The following CAMTA1 variants were observed in gnomAD, a reference collection of about 807,000 sequenced individuals.
CAMTA1 encodes the protein calmodulin-binding transcription activator 1.
A neutral mutation model predicts 170.9 loss-of-function variants in CAMTA1; 27 were observed. That is an observed-to-expected ratio of 0.16 (90% CI 0.12 to 0.22). The LOEUF is 0.22. Ranked by LOEUF, CAMTA1 falls within the 10% of genes least tolerant of loss-of-function variation. The pLI, the probability that CAMTA1 is intolerant of heterozygous loss-of-function variation, is 1.00. For missense variants in CAMTA1, 1,619 were observed against 2,217.2 expected (o/e 0.73, Z 5.42); for synonymous variants, 833 against 891.5 (o/e 0.93, Z 1.17).
In CAMTA1 at chr1:7,013,657, G is replaced by T. The variant is rs77757609; in HGVS notation, c.235-77647G>T. 3.5e-3 allele frequency among the ~76,000 whole-genome samples: 537 copies of T among 152,318 alleles called. 9 individuals are homozygous for T. The highest frequency in any genetic ancestry group is 0.012 in the African/African-American group (500 of 41,566). The stretch of plus-strand genomic sequence containing the variant: ...GCTGCAGGTGGCAGAGGTGGAGTCA[G>T]GGATGGAGCCAGGAGTTGAACTTTG... On this transcript the variant is annotated intron_variant, in intron 3 of 22. Coordinates refer to ENST00000303635, the MANE Select transcript of CAMTA1 (RefSeq NM_015215.4).
chr1:7,221,728 C>T (rs773231000), intron 4 of CAMTA1, among the ~76,000 whole-genome samples: 3 of 152,048 alleles, frequency 2.0e-5, no homozygotes, highest in Non-Finnish European at 2.9e-5. Flanking sequence ...CCACATGAAC[C>T]GGCTAAGCTT....
intron 5 of CAMTA1, among the ~76,000 whole-genome samples, chr1:7,335,735 G>C (rs1443288622): frequency 1.3e-5 from 2 of 150,392 alleles, no homozygotes; most frequent in Admixed American, 1.3e-4. Context: ...CAGGAATTTT[G>C]CCAGTCAGTG....
At chr1:7,515,353 C>T (rs114596410) in intron 6 of CAMTA1, among the ~76,000 whole-genome samples, 5 of 152,328 alleles carry the variant, frequency 3.3e-5, no homozygotes, top group Non-Finnish European at 7.3e-5. Context: ...GCCTAAGTCT[C>T]GGACTGTGGC....
chr1:7,048,325 C>G (rs904280954), intron 3 of CAMTA1, among the ~76,000 whole-genome samples: 2 of 152,032 alleles, frequency 1.3e-5, no homozygotes, highest in Non-Finnish European at 2.9e-5. Context: ...AATAAACCAC[C>G]ACAATTGGAA....
chr1:6,876,425 G>A (rs1023730563), intron 3 of CAMTA1, among the ~76,000 whole-genome samples: 1 of 151,424 alleles, frequency 6.6e-6, no homozygotes, highest in Non-Finnish European at 1.5e-5. Context: ...GCAATGGTGT[G>A]ATCTTAACTC....
chr1:7,393,954 T>A (rs2089007196), intron 5 of CAMTA1, among the ~76,000 whole-genome samples: 1 of 152,194 alleles, frequency 6.6e-6, no homozygotes, highest in African/African-American at 2.4e-5. Flanking sequence ...GTGTTTGTCT[T>A]TCTGTGCCAG....
At chr1:7,238,018 T>C (rs1664198722) in intron 4 of CAMTA1, among the ~76,000 whole-genome samples, 1 of 152,226 alleles carries the variant, frequency 6.6e-6, no homozygotes, top group Non-Finnish European at 1.5e-5. Flanking sequence ...ACAACCTAGA[T>C]CTCACTCCAA....
intron 5 of CAMTA1, among the ~76,000 whole-genome samples, chr1:7,439,782 G>A (rs1385558973): frequency 6.6e-6 from 1 of 152,200 alleles, no homozygotes; most frequent in Non-Finnish European, 1.5e-5. Context: ...AGATGAAGGG[G>A]TGAAGGGAGG....
chr1:7,187,764 C>A (rs1168627858), intron 4 of CAMTA1, among the ~76,000 whole-genome samples: 1 of 152,190 alleles, frequency 6.6e-6, no homozygotes, highest in Non-Finnish European at 1.5e-5. Context: ...ACCCTTTCCC[C>A]CTCCATCCCA....
intron 3 of CAMTA1, among the ~76,000 whole-genome samples, chr1:6,879,385 G>A (rs1275995544): frequency 6.6e-6 from 1 of 152,168 alleles, no homozygotes; most frequent in Non-Finnish European, 1.5e-5. Flanking sequence ...TTTGGTTTCA[G>A]AAGTCAATTA....
intron 6 of CAMTA1, among the ~76,000 whole-genome samples, chr1:7,621,694 G>A (rs1173344152): frequency 6.6e-6 from 1 of 152,222 alleles, no homozygotes; most frequent in African/African-American, 2.4e-5. Flanking sequence ...GGGCTGGTGA[G>A]GTGCCAGGTG....
chr1:7,311,027 A>G (rs1164623746), intron 5 of CAMTA1, among the ~76,000 whole-genome samples: 41 of 152,154 alleles, frequency 2.7e-4, no homozygotes, highest in Non-Finnish European at 4.4e-5. Context: ...CATTGTGCCC[A>G]GCCAACAAGA....
chr1:7,417,242 C>T (rs2091246792), intron 5 of CAMTA1, among the ~76,000 whole-genome samples: 1 of 152,278 alleles, frequency 6.6e-6, no homozygotes, highest in Non-Finnish European at 1.5e-5. Context: ...CTTGAGGAGG[C>T]AGTCTGCCCG....
intron 6 of CAMTA1, among the ~76,000 whole-genome samples, chr1:7,530,937 C>T (rs528972085): frequency 2.6e-5 from 4 of 151,360 alleles, no homozygotes; most frequent in Non-Finnish European, 5.9e-5. Flanking sequence ...GCCTCAGCCT[C>T]CCCCAAGTAG....
At chr1:6,811,151 T>G (rs1645118489) in intron 1 of CAMTA1, among the ~76,000 whole-genome samples, 1 of 152,226 alleles carries the variant, frequency 6.6e-6, no homozygotes, top group South Asian at 2.1e-4. Flanking sequence ...TGGAATTATT[T>G]ACCAGCCAAT....
At chr1:7,658,343 C>A (rs780396943) in intron 7 of CAMTA1, among the ~76,000 whole-genome samples, 8 of 152,138 alleles carry the variant, frequency 5.3e-5, no homozygotes, top group Admixed American at 1.3e-4. Flanking sequence ...CCCATCCTAA[C>A]AGCATGTGAG....
chr1:6,802,019 G>C (rs1347371580), intron 1 of CAMTA1, among the ~76,000 whole-genome samples: 3 of 152,210 alleles, frequency 2.0e-5, no homozygotes, highest in Non-Finnish European at 4.4e-5. Context: ...CCGTGCTTTA[G>C]ATTAGAGCAC....
intron 4 of CAMTA1, among the ~76,000 whole-genome samples, chr1:7,141,235 CT>C (rs1467300976): frequency 6.6e-6 from 1 of 152,152 alleles, no homozygotes; most frequent in African/African-American, 2.4e-5. Context: ...GTGATACCCC[CT>C]GGGCTCTTCC....
At chr1:7,479,996 TG>T (rs1197986293) in intron 6 of CAMTA1, among the ~76,000 whole-genome samples, 1 of 152,080 alleles carries the variant, frequency 6.6e-6, no homozygotes, top group African/African-American at 2.4e-5. Flanking sequence ...TGTATGTGCA[TG>T]TGTGTGAATG....
Sources: allele counts gnomAD v4.1 joint callset (sites outside exome capture counted in the v4.1 genomes callset), GRCh38; gene constraint gnomAD v4.1.1; transcripts MANE v1.5; gene names NCBI Gene and HGNC (gene_info 2026-07-23, HGNC 2026-07-21).